The following KCNMA1 variants were observed in gnomAD, a reference collection of about 807,000 sequenced individuals.
KCNMA1 encodes the protein potassium calcium-activated channel subfamily M alpha 1, also known as Calcium-activated potassium channel subunit alpha-1.
A neutral mutation model predicts 140.0 loss-of-function variants in KCNMA1; 29 were observed. The observed-to-expected ratio is 0.21, with a 90% confidence interval of 0.15 to 0.28. The LOEUF is 0.28. KCNMA1 is among the 10% of genes least tolerant of loss of function. KCNMA1 has a pLI of 1.00. For missense variants in KCNMA1, 880 were observed against 1,602.2 expected (o/e 0.55, Z 7.70); for synonymous variants, 612 against 611.9 (o/e 1.00, Z 0.00).
rs940267086 is a variant in KCNMA1, at chr10:77,326,987, C to T, written c.541-75731G>A. On this transcript the variant is annotated intron_variant, in intron 2 of 27. Coordinates refer to ENST00000286628, the MANE Select transcript of KCNMA1 (RefSeq NM_001161352.2). Reference sequence around the variant, plus strand: ...ATACCTGGGCCCCAAAATGCAAGCACACCATGGGGAAATGGAAGAAATTGG... The same window carrying T: ...ATACCTGGGCCCCAAAATGCAAGCATACCATGGGGAAATGGAAGAAATTGG... Among the ~76,000 whole-genome samples the T allele has an allele frequency of 2.6e-5, 4 of 152,104 alleles. No homozygotes were observed. In the South Asian group the frequency reaches 8.3e-4, roughly 32 times the overall value.
intron 21 of KCNMA1, among the ~76,000 whole-genome samples, chr10:76,953,124 G>A (rs2066909406): frequency 6.6e-6 from 1 of 152,100 alleles, no homozygotes; most frequent in African/African-American, 2.4e-5. Flanking sequence ...CACGAAATAG[G>A]GCTCTGAGCC....
intron 9 of KCNMA1, among the ~76,000 whole-genome samples, chr10:77,096,275 C>T (rs1038975791): frequency 6.6e-6 from 1 of 152,118 alleles, no homozygotes. Flanking sequence ...TGGGGCCAGT[C>T]ACTAAAATGA....
At chr10:77,251,761 A>C (rs2154252438) in intron 2 of KCNMA1, among the ~76,000 whole-genome samples, 1 of 152,336 alleles carries the variant, frequency 6.6e-6, no homozygotes, top group East Asian at 1.9e-4. Flanking sequence ...TTATGCAATC[A>C]TCACTGTAAT....
chr10:77,632,296 TAGAC>T (rs2093308052), intron 1 of KCNMA1, among the ~76,000 whole-genome samples: 1 of 152,030 alleles, frequency 6.6e-6, no homozygotes, highest in Non-Finnish European at 1.5e-5. Flanking sequence ...CTGGTCTGGG[TAGAC>T]AGTGAGTGTC....
chr10:77,486,747 G>A (rs573366947), intron 1 of KCNMA1, among the ~76,000 whole-genome samples: 2 of 152,212 alleles, frequency 1.3e-5, no homozygotes, highest in Non-Finnish European at 2.9e-5. Flanking sequence ...CCCTGGCCCC[G>A]GGCAAAGCCC....
intron 3 of KCNMA1, among the ~76,000 whole-genome samples, chr10:77,230,754 G>C (rs2053308236): frequency 6.6e-6 from 1 of 152,110 alleles, no homozygotes; most frequent in Admixed American, 6.5e-5. Context: ...TTGGCTCAAA[G>C]CTCATATTCC....
intron 3 of KCNMA1, among the ~76,000 whole-genome samples, chr10:77,194,354 C>A (rs779488350): frequency 2.6e-5 from 4 of 152,148 alleles, no homozygotes; most frequent in Non-Finnish European, 4.4e-5. Flanking sequence ...TCTGTCTGAG[C>A]CTTCTCCAGA....
chr10:77,375,002 A>T (rs1394777420), intron 2 of KCNMA1, among the ~76,000 whole-genome samples: 1 of 151,674 alleles, frequency 6.6e-6, no homozygotes, highest in Non-Finnish European at 1.5e-5. Flanking sequence ...GGAAGGTGCA[A>T]TCTCACAGGA....
intron 5 of KCNMA1, among the ~76,000 whole-genome samples, chr10:77,158,198 C>CA (rs2098510524): frequency 6.6e-6 from 1 of 152,100 alleles, no homozygotes; most frequent in South Asian, 2.1e-4. Flanking sequence ...TTCTTTGAGG[C>CA]AAAAGAGCTG....
At chr10:76,890,004 T>C (rs2039199736) in intron 26 of KCNMA1, among the ~76,000 whole-genome samples, 1 of 152,010 alleles carries the variant, frequency 6.6e-6, no homozygotes, top group African/African-American at 2.4e-5. Flanking sequence ...ACTGTCTGAG[T>C]GATAATGAAA....
chr10:77,392,294 T>TAAGGGAGGC (rs2095864755), intron 2 of KCNMA1, among the ~76,000 whole-genome samples: 1 of 111,672 alleles, frequency 9.0e-6, no homozygotes, highest in African/African-American at 3.5e-5. Flanking sequence ...GGAAGGAAGG[T>TAAGGGAGGC]AAGGGAGGCA....
At chr10:76,943,616 C>T (rs2152868334) in intron 23 of KCNMA1, among the ~76,000 whole-genome samples, 1 of 152,300 alleles carries the variant, frequency 6.6e-6, no homozygotes, top group South Asian at 2.1e-4. Context: ...TCTTTCTCCT[C>T]CACTTTCCAA....
chr10:77,346,241 CT>C (rs1047125631), intron 2 of KCNMA1, among the ~76,000 whole-genome samples: 1 of 152,220 alleles, frequency 6.6e-6, no homozygotes, highest in African/African-American at 2.4e-5. Context: ...AAGCCAAGTG[CT>C]TTCATGTTTG....
intron 2 of KCNMA1, among the ~76,000 whole-genome samples, chr10:77,334,679 T>C (rs918433034): frequency 1.3e-5 from 2 of 152,148 alleles, no homozygotes; most frequent in African/African-American, 2.4e-5. Flanking sequence ...TTGAGACATA[T>C]TTACACATGA....
chr10:76,945,753 A>T (rs1266271047), intron 22 of KCNMA1, among the ~76,000 whole-genome samples: 2 of 152,034 alleles, frequency 1.3e-5, no homozygotes, highest in Non-Finnish European at 2.9e-5. Context: ...ATAGAGGGGG[A>T]AGTGAAAAAA....
intron 3 of KCNMA1, among the ~76,000 whole-genome samples, chr10:77,186,913 A>G (rs2098866530): frequency 6.6e-6 from 1 of 152,084 alleles, no homozygotes; most frequent in Admixed American, 6.6e-5. Flanking sequence ...GCTGTGCATT[A>G]TAAACTCACA....
chr10:77,082,529 G>A (rs2096604199), intron 12 of KCNMA1, among the ~76,000 whole-genome samples: 1 of 151,914 alleles, frequency 6.6e-6, no homozygotes, highest in Admixed American at 6.6e-5. Context: ...TTTTCCATTT[G>A]GAATTTTGAA....
At chr10:77,129,226 A>G (rs989737942) in intron 5 of KCNMA1, among the ~76,000 whole-genome samples, 34 of 152,336 alleles carry the variant, frequency 2.2e-4, no homozygotes, top group Admixed American at 8.5e-4. Flanking sequence ...CAAAAGGACC[A>G]AGCTTTATTT....
intron 20 of KCNMA1, among the ~76,000 whole-genome samples, chr10:76,961,838 T>C (rs1160581369): frequency 1.3e-5 from 2 of 152,204 alleles, no homozygotes. Context: ...CTTAATAGAC[T>C]ACAGAAGAGT....
Sources: gnomAD v4.1 joint callset for allele counts (sites outside exome capture counted in the v4.1 genomes callset) on GRCh38, gnomAD v4.1.1 for gene constraint, MANE v1.5 for transcripts, NCBI Gene and HGNC (gene_info 2026-07-23, HGNC 2026-07-21) for gene names.